C5orf24: variants seen among roughly 807,000 people sequenced by gnomAD.
The protein encoded by C5orf24 is chromosome 5 open reading frame 24.
In C5orf24, 4 loss-of-function variants were observed where a neutral mutation model predicts 9.8. The observed-to-expected ratio is 0.41, with a 90% CI of 0.20 to 0.93. C5orf24 has a LOEUF of 0.93. Among genes scored for constraint, C5orf24 ranks in the 40% least tolerant of loss-of-function variants. C5orf24 has a pLI of 0.33. For synonymous variants in C5orf24, 73 were observed against 81.3 expected (o/e 0.90, Z 0.55); for missense variants, 170 against 236.9 (o/e 0.72, Z 1.85).
At chr5:134,842,777 AG>A (rs1449812204), upstream of C5orf24, among the ~76,000 whole-genome samples, 3 of 152,262 alleles carry the variant, frequency 2.0e-5, no homozygotes, top group East Asian at 5.8e-4. Flanking sequence ...TGGCATTTAA[AG>A]CCCACTTCCA....
At chr5:134,833,824 T>C in the C5orf24 span, among the ~76,000 whole-genome samples, 1 of 152,210 alleles carries the variant, frequency 6.6e-6, no homozygotes, top group Non-Finnish European at 1.5e-5. Context: ...TGTGTGTGAG[T>C]GCATACTGTC....
chr5:134,851,223 C>T (rs1756153743), intron 1 of C5orf24, among the ~76,000 whole-genome samples: 1 of 152,076 alleles, frequency 6.6e-6, no homozygotes, highest in Non-Finnish European at 1.5e-5. Context: ...CCATCGTGGC[C>T]ATCCTGGTTG....
intron 1 of C5orf24, among the ~76,000 whole-genome samples, chr5:134,850,522 G>C (rs181725652): frequency 1.3e-5 from 2 of 151,202 alleles, no homozygotes; most frequent in African/African-American, 4.9e-5. Flanking sequence ...TCCCAGGCTG[G>C]AGTGCAATGT....
rs1391898335 is a variant in C5orf24 at position 134,858,356 on chromosome 5, C to CTA, written c.*2894_*2895dup. 1 of 166,988 alleles carries CTA rather than the reference C, an allele frequency of 6.0e-6. No individual in the cohort carries two copies. Among genetic ancestry groups the CTA allele is most frequent in the African/African-American group, 2.4e-5 (1 of 41,446 alleles). The allele number at this position is 166,988 out of a possible 1,614,324, so 10.3% of individuals were successfully genotyped here. ...CTTAAAATTTAAAGTATTTTTACTGCTATATAAACTAAAGACTACATTGTG... is the reference window on the plus strand; with the variant it reads ...CTTAAAATTTAAAGTATTTTTACTGCTATATATAAACTAAAGACTACATTGTG... On this transcript the variant is annotated 3_prime_UTR_variant, in exon 2 of 2. Transcript: ENST00000394976.
chr5:134,836,966 C>T, the C5orf24 span, among the ~76,000 whole-genome samples: 3 of 151,598 alleles, frequency 2.0e-5, no homozygotes, highest in South Asian at 6.2e-4. Flanking sequence ...TGCTTAAATG[C>T]TTTATCTGTT....
At position 134,855,065 on chromosome 5, in the gene C5orf24, G is replaced by A; in HGVS notation, c.165G>A (p.Arg55=). The part of the protein sequence containing the change: ...TVNHKPMVCQ[R]QDPLNETHLQ... ...ACCACAAACCAATGGTTTGTCAGAG[G>A]CAAGACCCATTAAATGAAACACACT... Residue 55 remains arginine, a synonymous_variant, in exon 2 of 2, where the codon AGG becomes AGA. Coordinates refer to ENST00000394976, the MANE Select transcript of C5orf24 (RefSeq NM_001135586.1). 1 of 1,614,064 alleles carries A rather than the reference G, an allele frequency of 6.2e-7. No homozygotes were observed. Among genetic ancestry groups the A allele is most frequent in the Admixed American group, 1.7e-5 (1 of 60,000 alleles).
intron 1 of C5orf24, chr5:134,846,945 C>T (rs1561884851): frequency 6.6e-6 from 1 of 152,180 alleles, no homozygotes; most frequent in East Asian, 1.9e-4. Context: ...AAATAAATCT[C>T]TGAGAATTAC....
rs938782775 is a variant in C5orf24, at chr5:134,856,349, T to C, written c.*882T>C. 1.3e-5 allele frequency: 13 copies of C among 989,182 alleles called. No homozygotes were observed. The highest frequency in any genetic ancestry group is 1.6e-5 in the Non-Finnish European group (13 of 819,962). The allele number at this position is 989,182 out of a possible 1,614,324, so 61.3% of individuals were successfully genotyped here. A position where few individuals can be genotyped will look rare whatever the true frequency, so the allele number is the denominator to read the frequency against. ...TCATATAGAAAGTTTTAAAGTATTA[T>C]GTTTAAAAACATTTATTGGCTGGGT... On this transcript the variant is annotated 3_prime_UTR_variant, in exon 2 of 2. Coordinates refer to ENST00000394976, the MANE Select transcript of C5orf24 (RefSeq NM_001135586.1).
chr5:134,856,422 C>G lies in C5orf24; in HGVS notation c.*955C>G, dbSNP rs1756314158. The G allele has an allele frequency of 1.7e-6, 1 of 591,132 alleles. No individual in the cohort carries two copies. 36.6% of individuals were successfully genotyped at this position (591,132 alleles called of 1,614,324 possible). A position where few individuals can be genotyped will look rare whatever the true frequency, so the allele number is the denominator to read the frequency against. On this transcript the variant is annotated 3_prime_UTR_variant, in exon 2 of 2. Coordinates refer to ENST00000394976, the MANE Select transcript of C5orf24 (RefSeq NM_001135586.1). ...TTGGGAGGCCGAGGCAGGCGGATCA[C>G]TTGAGGTCAGCAGTTCAAGACTAGC...
At position 134,853,849 on chromosome 5, in the gene C5orf24, G is replaced by A. The variant is rs140586582; in HGVS notation, c.-3-1049G>A. ...TGTAATCCCAACACTGTGGAAGGCCGAGGCGGGCAGATCACGAGGTCAGGA... is the reference window on the plus strand; with the variant it reads ...TGTAATCCCAACACTGTGGAAGGCCAAGGCGGGCAGATCACGAGGTCAGGA... On this transcript the variant is annotated intron_variant, in intron 1 of 1. Coordinates refer to ENST00000394976, the MANE Select transcript of C5orf24 (RefSeq NM_001135586.1). Among the ~76,000 whole-genome samples the A allele has an allele frequency of 9.8e-5, 15 of 152,302 alleles. 1 individual carries two copies. In the East Asian group the frequency reaches 2.7e-3, roughly 27 times the overall value.
intron 1 of C5orf24, among the ~76,000 whole-genome samples, chr5:134,849,088 C>A (rs1261805002): frequency 1.3e-5 from 2 of 150,526 alleles, no homozygotes; most frequent in African/African-American, 2.4e-5. Flanking sequence ...AACCCCATCT[C>A]TACTAAATAT....
In C5orf24 at chr5:134,855,828, C is replaced by T. The variant is rs1756295539; in HGVS notation, c.*361C>T. On this transcript the variant is annotated 3_prime_UTR_variant, in exon 2 of 2. Coordinates refer to ENST00000394976, the MANE Select transcript of C5orf24 (RefSeq NM_001135586.1). ...ATACCTATTAGTTTGTGAAGTAAGC[C>T]TACAGTATAATAAAGACACTAACGT... 2.7e-6 allele frequency: 3 copies of T among 1,098,216 alleles called. No homozygotes were observed. Among genetic ancestry groups the T allele is most frequent in the African/African-American group, 1.7e-5 (1 of 58,580 alleles). The allele number at this position is 1,098,216 out of a possible 1,614,324, so 68.0% of individuals were successfully genotyped here. A position where few individuals can be genotyped will look rare whatever the true frequency, so the allele number is the denominator to read the frequency against.
chr5:134,857,416 T>C lies in C5orf24; in HGVS notation c.*1949T>C, dbSNP rs1440485110. ...TGCCTGACACAATTGAGCTGGACTT[T>C]ATGCTGCTCTTTACAGTAAGAGGTG... On this transcript the variant is annotated 3_prime_UTR_variant, in exon 2 of 2. Coordinates refer to ENST00000394976, the MANE Select transcript of C5orf24 (RefSeq NM_001135586.1). 3 of 1,546,500 alleles carry C rather than the reference T, an allele frequency of 1.9e-6. No homozygotes were observed. Among genetic ancestry groups the C allele is most frequent in the East Asian group, 2.4e-5 (1 of 40,850 alleles).
chr5:134,840,305 C>CAAAAA, the C5orf24 span, among the ~76,000 whole-genome samples: 20 of 53,168 alleles, frequency 3.8e-4, no homozygotes, highest in Non-Finnish European at 5.2e-4. Flanking sequence ...GACTGCATCT[C>CAAAAA]AAAAAAAAAA....
the C5orf24 span, among the ~76,000 whole-genome samples, chr5:134,835,009 A>T: frequency 6.6e-6 from 1 of 151,810 alleles, no homozygotes; most frequent in Non-Finnish European, 1.5e-5. Context: ...GCGGCACTGC[A>T]CTTCAGCCTG....
the C5orf24 span, among the ~76,000 whole-genome samples, chr5:134,835,337 C>T: frequency 4.6e-5 from 7 of 152,060 alleles, no homozygotes; most frequent in African/African-American, 1.2e-4. Context: ...AAGTGGGGTA[C>T]GTGACAGTAA....
At chr5:134,840,119 C>T in the C5orf24 span, among the ~76,000 whole-genome samples, 4 of 151,990 alleles carry the variant, frequency 2.6e-5, no homozygotes, top group African/African-American at 4.8e-5. Context: ...CCATCCTGGC[C>T]GAAATGGTGA....
chr5:134,836,854 T>G, the C5orf24 span, among the ~76,000 whole-genome samples: 5 of 152,350 alleles, frequency 3.3e-5, no homozygotes, highest in African/African-American at 1.2e-4. Flanking sequence ...TTAAGTTTTT[T>G]ATAATATGTT....
At position 134,855,922 on chromosome 5, in the gene C5orf24, T is replaced by G. The variant is rs1580846206; in HGVS notation, c.*455T>G. 3 of 1,007,494 alleles carry G rather than the reference T, an allele frequency of 3.0e-6. No homozygotes were observed. Among genetic ancestry groups the G allele is most frequent in the Non-Finnish European group, 3.6e-6 (3 of 835,428 alleles). The allele number at this position is 1,007,494 out of a possible 1,614,324, so 62.4% of individuals were successfully genotyped here. The stretch of plus-strand genomic sequence containing the variant: ...TTACTTGAGGTAATGGCTGTGTGAG[T>G]TTTTGTAACATTTATTTTCACAAGA... On this transcript the variant is annotated 3_prime_UTR_variant, in exon 2 of 2. Transcript: ENST00000394976.
Sources: gnomAD v4.1 joint callset for allele counts (sites outside exome capture counted in the v4.1 genomes callset) on GRCh38, gnomAD v4.1.1 for gene constraint, MANE v1.5 for transcripts, NCBI Gene and HGNC (gene_info 2026-07-23, HGNC 2026-07-21) for gene names.